The following FAM222A variants were observed in gnomAD, a reference collection of about 807,000 sequenced individuals.
FAM222A encodes the protein family with sequence similarity 222 member A.
FAM222A carries 7 observed loss-of-function variants against 25.8 expected under a neutral mutation model. The ratio of observed to expected loss-of-function variants is 0.27; its 90% CI spans 0.15 to 0.51. The LOEUF (loss-of-function observed/expected upper bound fraction) is 0.51, where lower values mean the gene tolerates loss of function less well. Among genes scored for constraint, FAM222A ranks in the 20% least tolerant of loss-of-function variants. The pLI is 0.97. For synonymous variants in FAM222A, 294 were observed against 298.8 expected, an observed-to-expected ratio of 0.98 and a Z score of 0.17; for missense variants, 573 against 640.5, an observed-to-expected ratio of 0.89 and a Z score of 1.14.
chr12:109,727,527 C>T (rs1224646558), intron 1 of FAM222A, among the ~76,000 whole-genome samples: 1 of 152,206 alleles, frequency 6.6e-6, no homozygotes, highest in Non-Finnish European at 1.5e-5. Context: ...ACCTGGTTTG[C>T]TGTGGGCCTG....
chr12:109,726,379 A>C (rs1392543034), intron 1 of FAM222A, among the ~76,000 whole-genome samples: 1 of 152,118 alleles, frequency 6.6e-6, no homozygotes, highest in East Asian at 1.9e-4. Context: ...TGGTTGCTGC[A>C]CAGACCCTGT....
intron 1 of FAM222A, among the ~76,000 whole-genome samples, chr12:109,731,445 C>G (rs1887946042): frequency 6.6e-6 from 1 of 152,194 alleles, no homozygotes; most frequent in East Asian, 1.9e-4. Context: ...AGCAAATCCT[C>G]TTCCTCTCGG....
chr12:109,723,091 A>G (rs934613511), intron 1 of FAM222A, among the ~76,000 whole-genome samples: 8 of 152,070 alleles, frequency 5.3e-5, no homozygotes, highest in Admixed American at 2.6e-4. Context: ...CAAATGATGC[A>G]TTTGTTAACC....
chr12:109,714,328 C>A lies in FAM222A; in HGVS notation c.-616C>A, dbSNP rs1887595249. ...GCTGTTCTTTGCAACCTGCAGGGGC[C>A]GGTGTATGTCCGGCGAGGAGCCGGG... On this transcript the variant is annotated 5_prime_UTR_variant, in exon 1 of 3. Coordinates refer to ENST00000538780, the MANE Select transcript of FAM222A (RefSeq NM_032829.3). The surrounding 1 kb of genome is among the most constrained non-coding windows in gnomAD (Gnocchi z 4.2). 1 of 154,020 alleles carries A rather than the reference C, an allele frequency of 6.5e-6. No individual in the cohort carries two copies. Among genetic ancestry groups the A allele is most frequent in the African/African-American group, 2.4e-5 (1 of 41,402 alleles). The allele number at this position is 154,020 out of a possible 1,614,324, so 9.5% of individuals were successfully genotyped here.
chr12:109,744,114 G>T lies in FAM222A; in HGVS notation c.-33G>T. The T allele has an allele frequency of 6.2e-7, 1 of 1,607,350 alleles. No homozygotes were observed. The highest frequency in any genetic ancestry group is 1.1e-5 in the South Asian group (1 of 90,728). ...TTCCTCCTGCAGGGACCCAGTCGCA[G>T]AGCGCACCCCACTGGGGACCCCCAG... On this transcript the variant is annotated 5_prime_UTR_variant, in exon 2 of 3. Transcript: ENST00000538780.
chr12:109,719,675 G>A (rs1566182880), intron 1 of FAM222A, among the ~76,000 whole-genome samples: 1 of 152,162 alleles, frequency 6.6e-6, no homozygotes, highest in South Asian at 2.1e-4. Flanking sequence ...AGTAAATGGG[G>A]GTGTCTCTGG....
intron 1 of FAM222A, among the ~76,000 whole-genome samples, chr12:109,741,527 C>T (rs910575043): frequency 2.0e-5 from 3 of 152,186 alleles, no homozygotes; most frequent in African/African-American, 7.2e-5. Context: ...AATAGGCGAC[C>T]TGCCCCTTCC....
rs148020690 is a variant in FAM222A at position 109,754,014 on chromosome 12, A to G, written c.82+9786A>G. Among the ~76,000 whole-genome samples the G allele has an allele frequency of 4.9e-3, 754 of 152,342 alleles. 7 individuals carry two copies. The highest frequency in any genetic ancestry group is 0.017 in the African/African-American group (722 of 41,578). On this transcript the variant is annotated intron_variant, in intron 2 of 2. Transcript: ENST00000538780. ...AGAGATGAAGGGCCAGGAGCAGGCC[A>G]GATAGATCTCAACCCTGTTTAGGAT...
intron 2 of FAM222A, among the ~76,000 whole-genome samples, chr12:109,765,093 C>T (rs1393764033): frequency 1.3e-5 from 2 of 152,212 alleles, no homozygotes; most frequent in Non-Finnish European, 2.9e-5. Context: ...GCAAATAAGC[C>T]CACTGAAGCT....
intron 2 of FAM222A, among the ~76,000 whole-genome samples, chr12:109,754,347 A>G (rs1417712470): frequency 1.3e-5 from 2 of 152,214 alleles, no homozygotes; most frequent in African/African-American, 4.8e-5. Context: ...CAGCCTGGCC[A>G]ACATATTGAG....
At chr12:109,727,695 CTCTG>C (rs1222179605) in intron 1 of FAM222A, among the ~76,000 whole-genome samples, 3 of 152,196 alleles carry the variant, frequency 2.0e-5, no homozygotes, top group South Asian at 2.1e-4. Context: ...CTAAAGCTTT[CTCTG>C]TCTGTAGAGT....
In FAM222A at chr12:109,768,840, G is replaced by A. The variant is rs894377282; in HGVS notation, c.911G>A (p.Ser304Asn). The A allele has an allele frequency of 7.0e-6, 11 of 1,580,712 alleles. No individual in the cohort carries two copies. The highest frequency in any genetic ancestry group is 2.7e-5 in the African/African-American group (2 of 74,412). ...CCGCCCCAGCCACTGCGTGCCTACA[G>A]TGGGAGCACGGTGGCCAGCAAGTCC... is the stretch of plus-strand genomic sequence containing the variant. ...PPPPQPLRAY[S>N]GSTVASKSPE... The change falls in exon 3 of 3, where the codon AGT (serine) becomes AAT (asparagine). Residue 304 changes from serine to asparagine, a missense_variant. Physicochemically the swap from Ser to Asn is conservative, Grantham distance 46 (BLOSUM62 1). Coordinates refer to ENST00000538780, the MANE Select transcript of FAM222A (RefSeq NM_032829.3).
At chr12:109,715,976 C>T (rs1016431379) in intron 1 of FAM222A, among the ~76,000 whole-genome samples, 7 of 152,214 alleles carry the variant, frequency 4.6e-5, no homozygotes, top group Non-Finnish European at 7.3e-5. Context: ...TCCAGGGGCT[C>T]CCCATGCTGT....
At chr12:109,722,337 A>AG (rs1887760445) in intron 1 of FAM222A, among the ~76,000 whole-genome samples, 1 of 152,232 alleles carries the variant, frequency 6.6e-6, no homozygotes, top group East Asian at 1.9e-4. Context: ...AGTAACAGTG[A>AG]GGTCCCGTCT....
chr12:109,765,212 T>C (rs1230776383), intron 2 of FAM222A, among the ~76,000 whole-genome samples: 1 of 152,258 alleles, frequency 6.6e-6, no homozygotes, highest in East Asian at 1.9e-4. Context: ...TGCTGACAGT[T>C]GGGACTGGAC....
At chr12:109,731,485 C>T (rs1378501120) in intron 1 of FAM222A, among the ~76,000 whole-genome samples, 3 of 152,182 alleles carry the variant, frequency 2.0e-5, no homozygotes, top group Non-Finnish European at 4.4e-5. Context: ...GAATGGGAGG[C>T]GTGGATGTAT....
Position 109,769,355 on chromosome 12 carries a change from G to T in FAM222A, c.*67G>T. ...AGCCGGGAGGCAGGCCGCAGAACAG[G>T]GTGGGCGGCTCGCAGGGGCGCTCAG... On this transcript the variant is annotated 3_prime_UTR_variant, in exon 3 of 3. Coordinates refer to ENST00000538780, the MANE Select transcript of FAM222A (RefSeq NM_032829.3). The T allele has an allele frequency of 6.7e-7, 1 of 1,487,264 alleles. No individual in the cohort carries two copies. Among genetic ancestry groups the T allele is most frequent in the Non-Finnish European group, 9.0e-7 (1 of 1,113,038 alleles). The allele number at this position is 1,487,264 out of a possible 1,614,324, so 92.1% of individuals were successfully genotyped here.
chr12:109,731,503 CAAGAG>C (rs1887947076), intron 1 of FAM222A, among the ~76,000 whole-genome samples: 1 of 152,210 alleles, frequency 6.6e-6, no homozygotes, highest in Non-Finnish European at 1.5e-5. Context: ...TATTCACACT[CAAGAG>C]AAGGGCTTCC....
intron 2 of FAM222A, 150 bp from the exon 3 acceptor site, chr12:109,767,862 C>A: frequency 1.2e-6 from 1 of 803,842 alleles, no homozygotes; most frequent in Non-Finnish European, 1.9e-6. Context: ...GTTCCCTGCA[C>A]TTTACACTGA....
Sources: gnomAD v4.1 joint callset for allele counts (sites outside exome capture counted in the v4.1 genomes callset) on GRCh38, gnomAD v4.1.1 for gene constraint, Gnocchi (gnomAD v3.1) non-coding constraint, MANE v1.5 for transcripts, NCBI Gene and HGNC (gene_info 2026-07-23, HGNC 2026-07-21) for gene names.